The following SIPA1L1 variants were observed in gnomAD, a reference collection of about 807,000 sequenced individuals.
SIPA1L1 encodes the protein signal induced proliferation associated 1 like 1, also known as signal-induced proliferation-associated 1-like protein 1.
A neutral mutation model predicts 162.7 loss-of-function variants in SIPA1L1; 26 were observed. The ratio of observed to expected loss-of-function variants is 0.16; its 90% CI spans 0.12 to 0.22. The LOEUF (loss-of-function observed/expected upper bound fraction) is 0.22, where lower values mean the gene tolerates loss of function less well. Among genes scored for constraint, SIPA1L1 ranks in the 10% least tolerant of loss-of-function variants. The pLI is 1.00. For synonymous variants in SIPA1L1, 829 were observed against 837.4 expected (o/e 0.99, Z 0.17); for missense variants, 1,874 against 2,241.0 (o/e 0.84, Z 3.31).
intron 2 of SIPA1L1, among the ~76,000 whole-genome samples, chr14:71,335,712 C>G (rs766584744): frequency 6.6e-6 from 1 of 152,198 alleles, no homozygotes; most frequent in Non-Finnish European, 1.5e-5. Context: ...GGACCTCTCT[C>G]TACATGAGGG....
chr14:71,632,514 G>A (rs147619533), intron 7 of SIPA1L1, among the ~76,000 whole-genome samples: 303 of 152,324 alleles, frequency 2.0e-3, no homozygotes, highest in African/African-American at 6.4e-3. Flanking sequence ...CTGAGGCATT[G>A]TTAGAGAAGG....
chr14:71,356,222 C>G (rs1489294210), intron 2 of SIPA1L1, among the ~76,000 whole-genome samples: 1 of 151,982 alleles, frequency 6.6e-6, no homozygotes, highest in Admixed American at 6.6e-5. Flanking sequence ...TGCTTATTTG[C>G]TTTCTTTTTT....
rs551170634 is a variant in SIPA1L1, at chr14:71,331,515, C to T, written c.-465+10334C>T. Reference sequence around the variant, plus strand: ...GTAAAAGCTGTGTGTCTAGCACTTCCGGTTTGCAAAGTACTTTCACACATA... The same window carrying T: ...GTAAAAGCTGTGTGTCTAGCACTTCTGGTTTGCAAAGTACTTTCACACATA... On this transcript the variant is annotated intron_variant, in intron 2 of 23. Coordinates refer to ENST00000381232, the MANE Select transcript of SIPA1L1 (RefSeq NM_001386936.1). Among the ~76,000 whole-genome samples, 10 of 152,256 alleles carry T rather than the reference C, an allele frequency of 6.6e-5. No individual in the cohort carries two copies. The East Asian group carries it at 9.6e-4, about 15-fold the overall frequency.
chr14:71,650,243 C>T (rs2042510091), intron 7 of SIPA1L1, 92 bp from the exon 8 acceptor site: 3 of 1,249,710 alleles, frequency 2.4e-6, no homozygotes, highest in Non-Finnish European at 3.5e-6. Context: ...TAGCTATTTT[C>T]TGGGCATGTG....
chr14:71,530,369 C>T (rs1445431445), intron 4 of SIPA1L1, among the ~76,000 whole-genome samples: 1 of 150,308 alleles, frequency 6.7e-6, no homozygotes, highest in African/African-American at 2.5e-5. Context: ...GGTTTTGCGT[C>T]CTGATCGACC....
intron 3 of SIPA1L1, among the ~76,000 whole-genome samples, chr14:71,514,839 C>G (rs931044570): frequency 2.6e-5 from 4 of 152,236 alleles, no homozygotes; most frequent in African/African-American, 4.8e-5. Flanking sequence ...CTAGTGTGCT[C>G]TCAACCAGTG....
At chr14:71,395,026 A>G (rs2041069624) in intron 2 of SIPA1L1, among the ~76,000 whole-genome samples, 1 of 152,238 alleles carries the variant, frequency 6.6e-6, no homozygotes, top group Non-Finnish European at 1.5e-5. Flanking sequence ...CTATAAAGGC[A>G]TAATTATAGC....
intron 2 of SIPA1L1, among the ~76,000 whole-genome samples, chr14:71,374,134 T>C (rs1437910669): frequency 2.0e-5 from 3 of 152,210 alleles, no homozygotes; most frequent in African/African-American, 7.2e-5. Flanking sequence ...GAAGATCCCA[T>C]GGGCATATTG....
intron 2 of SIPA1L1, among the ~76,000 whole-genome samples, chr14:71,368,142 C>CT (rs755238643): frequency 0.14 from 15,685 of 115,026 alleles, 991 homozygotes; most frequent in Non-Finnish European, 0.16. Flanking sequence ...TTGTGGTATT[C>CT]TTTTTTTTTT....
intron 8 of SIPA1L1, among the ~76,000 whole-genome samples, chr14:71,657,415 T>A (rs2149192981): frequency 6.6e-6 from 1 of 152,202 alleles, no homozygotes; most frequent in South Asian, 2.1e-4. Context: ...GTACTTCTGT[T>A]CCTTTTGCAA....
intron 23 of SIPA1L1, among the ~76,000 whole-genome samples, chr14:71,738,664 C>G (rs915200320): frequency 2.0e-5 from 3 of 152,156 alleles, no homozygotes; most frequent in African/African-American, 7.2e-5. Flanking sequence ...ACCAAAAGAA[C>G]TGAATGTTTT....
chr14:71,588,935 A>C lies in SIPA1L1; in HGVS notation c.1063A>C (p.Lys355Gln). 1 of 1,614,096 alleles carries C rather than the reference A, an allele frequency of 6.2e-7. No individual in the cohort carries two copies. The highest frequency in any genetic ancestry group is 1.1e-5 in the South Asian group (1 of 91,076). Residue 355 changes from lysine to glutamine, a missense_variant, in exon 5 of 24, where the codon AAG (lysine) becomes CAG (glutamine). Lys to Gln is a moderately conservative substitution (Grantham distance 53). Coordinates refer to ENST00000381232, the MANE Select transcript of SIPA1L1 (RefSeq NM_001386936.1). The surrounding 1 kb of genome is among the most constrained non-coding windows in gnomAD (Gnocchi z 4.3). Reference sequence around the variant, plus strand: ...AATTATGAACAGGCACAATGTTATTAAGAGGAGAAACACCACCACTGGAGC... The same window carrying C: ...AATTATGAACAGGCACAATGTTATTCAGAGGAGAAACACCACCACTGGAGC... ...EAIMNRHNVI[K>Q]RRNTTTGASA...
Position 71,709,239 on chromosome 14 carries a change from G to A in SIPA1L1, c.3783G>A (p.Ser1261=), listed in dbSNP as rs939827883. 4 of 1,612,642 alleles carry A rather than the reference G, an allele frequency of 2.5e-6. No homozygotes were observed. Among genetic ancestry groups the A allele is most frequent in the Non-Finnish European group, 8.5e-7 (1 of 1,179,174 alleles). Residue 1261 remains serine, a synonymous_variant, in exon 17 of 24, where the codon TCG becomes TCA. Coordinates refer to ENST00000381232, the MANE Select transcript of SIPA1L1 (RefSeq NM_001386936.1). ...NKQGHSDSHY[S]SHSSSNTLSS... ...TCTTGCAGTCTGATAGCCACTACTC[G>A]AGCCACTCCAGTAGCAATACTCTCT...
chr14:71,520,442 C>T (rs973564382), intron 3 of SIPA1L1, among the ~76,000 whole-genome samples: 1 of 152,022 alleles, frequency 6.6e-6, no homozygotes, highest in African/African-American at 2.4e-5. Context: ...ACACACAGAG[C>T]ACAGATCATA....
intron 2 of SIPA1L1, among the ~76,000 whole-genome samples, chr14:71,356,821 A>G (rs2037318317): frequency 6.6e-6 from 1 of 151,940 alleles, no homozygotes; most frequent in Non-Finnish European, 1.5e-5. Context: ...GTATGTTGAT[A>G]GGAAAGCCAA....
At chr14:71,608,262 G>A (rs1254816331) in intron 5 of SIPA1L1, among the ~76,000 whole-genome samples, 2 of 152,202 alleles carry the variant, frequency 1.3e-5, no homozygotes, top group Non-Finnish European at 2.9e-5. Context: ...CATGGTCCCT[G>A]TCCTTGTTAG....
In SIPA1L1 at chr14:71,588,796, G is replaced by A. The variant is rs1362087820; in HGVS notation, c.924G>A (p.Gly308=). Reference sequence around the variant, plus strand: ...GCAATGCCAAAGGTGAAGAACTTGGGAAGTCATCAGATCTTGAAGATAACC... The same window carrying A: ...GCAATGCCAAAGGTGAAGAACTTGGAAAGTCATCAGATCTTGAAGATAACC... ...KLRNAKGEEL[G]KSSDLEDNRS... The change falls in exon 5 of 24, where the codon GGG becomes GGA. Residue 308 remains glycine, a synonymous_variant. Coordinates refer to ENST00000381232, the MANE Select transcript of SIPA1L1 (RefSeq NM_001386936.1). The surrounding 1 kb of genome is among the most constrained non-coding windows in gnomAD (Gnocchi z 4.3). 3 of 1,613,984 alleles carry A rather than the reference G, an allele frequency of 1.9e-6. No homozygotes were observed. The highest frequency in any genetic ancestry group is 2.7e-5 in the African/African-American group (2 of 74,922).
At chr14:71,330,602 G>A in intron 2 of SIPA1L1, 1 of 1,011,060 alleles carries the variant, frequency 9.9e-7, no homozygotes, top group East Asian at 2.4e-5. Context: ...GCTTCAGGAG[G>A]CTTCTTCAGT....
intron 2 of SIPA1L1, among the ~76,000 whole-genome samples, chr14:71,479,111 T>C (rs1261662359): frequency 6.6e-6 from 1 of 152,146 alleles, no homozygotes; most frequent in Admixed American, 6.5e-5. Context: ...GGCTGGTGAT[T>C]TCTTACGAAA....
Sources: allele counts gnomAD v4.1 joint callset (sites outside exome capture counted in the v4.1 genomes callset), GRCh38; gene constraint gnomAD v4.1.1; non-coding constraint Gnocchi (gnomAD v3.1); transcripts MANE v1.5; gene names NCBI Gene and HGNC (gene_info 2026-07-23, HGNC 2026-07-21).